The following MPZL1 variants were observed in gnomAD, a reference collection of about 807,000 sequenced individuals.
MPZL1 encodes the protein myelin protein zero like 1, also known as myelin protein zero-like protein 1.
MPZL1 carries 16 observed loss-of-function variants against 29.3 expected under a neutral mutation model. That is an observed-to-expected ratio of 0.55 (90% CI 0.37 to 0.83). The LOEUF (loss-of-function observed/expected upper bound fraction) is 0.83. Ranked by LOEUF, MPZL1 falls within the 40% of genes least tolerant of loss-of-function variation. MPZL1 has a pLI of 0.00. For synonymous variants in MPZL1, 143 were observed against 132.0 expected (o/e 1.08, Z -0.57); for missense variants, 279 against 332.9 (o/e 0.84, Z 1.26).
chr1:167,763,223 C>G (rs1007912198), intron 1 of MPZL1, among the ~76,000 whole-genome samples: 1 of 152,172 alleles, frequency 6.6e-6, no homozygotes, highest in African/African-American at 2.4e-5. Flanking sequence ...TTAAGAAAAT[C>G]CTTGAAGAAG....
intron 5 of MPZL1, among the ~76,000 whole-genome samples, chr1:167,779,042 A>T (rs548144602): frequency 3.3e-5 from 5 of 152,184 alleles, no homozygotes; most frequent in African/African-American, 1.2e-4. Context: ...AAATCACTTG[A>T]ACCTGGGAGG....
At chr1:167,757,766 A>T (rs1377338841) in intron 1 of MPZL1, among the ~76,000 whole-genome samples, 1 of 152,228 alleles carries the variant, frequency 6.6e-6, no homozygotes, top group Non-Finnish European at 1.5e-5. Flanking sequence ...GCAGGAGTTT[A>T]TAGTGGTAAC....
chr1:167,764,841 C>T (rs553376362), intron 1 of MPZL1, among the ~76,000 whole-genome samples: 14 of 152,018 alleles, frequency 9.2e-5, no homozygotes, highest in Middle Eastern at 3.4e-3. Context: ...CAAAAAGACA[C>T]GGAAGAAAGT....
At chr1:167,742,304 C>A (rs1257565160) in intron 1 of MPZL1, among the ~76,000 whole-genome samples, 1 of 151,940 alleles carries the variant, frequency 6.6e-6, no homozygotes, top group Non-Finnish European at 1.5e-5. Context: ...AAAAAAAAAT[C>A]TTTGATCTTA....
intron 1 of MPZL1, among the ~76,000 whole-genome samples, chr1:167,757,395 G>T (rs977620674): frequency 6.6e-6 from 1 of 152,198 alleles, no homozygotes; most frequent in Non-Finnish European, 1.5e-5. Context: ...TCCTGTGTCT[G>T]TCTTTTTAAA....
chr1:167,723,314 C>T (rs973981618), intron 1 of MPZL1, among the ~76,000 whole-genome samples: 1 of 152,152 alleles, frequency 6.6e-6, no homozygotes, highest in Non-Finnish European at 1.5e-5. Context: ...TTAATATAAT[C>T]CTTGGATCAG....
At chr1:167,776,026 A>T (rs1383086919) in intron 4 of MPZL1, 38 bp from the exon 5 acceptor site, 9 of 1,353,284 alleles carry the variant, frequency 6.7e-6, no homozygotes, top group African/African-American at 4.4e-5. Flanking sequence ...TATTATTATT[A>T]TTTTTTACAT....
At chr1:167,766,371 G>C (rs1489174508) in intron 2 of MPZL1, among the ~76,000 whole-genome samples, 1 of 152,156 alleles carries the variant, frequency 6.6e-6, no homozygotes, top group Non-Finnish European at 1.5e-5. Flanking sequence ...TATTAAACAT[G>C]AACTGACTAT....
intron 1 of MPZL1, among the ~76,000 whole-genome samples, chr1:167,741,704 T>G (rs533252194): frequency 6.6e-6 from 1 of 152,188 alleles, no homozygotes; most frequent in African/African-American, 2.4e-5. Flanking sequence ...GCAAGAACTA[T>G]TTTACATCAG....
intron 2 of MPZL1, among the ~76,000 whole-genome samples, chr1:167,770,229 T>C (rs1661209053): frequency 6.6e-6 from 1 of 152,186 alleles, no homozygotes; most frequent in Non-Finnish European, 1.5e-5. Context: ...CTGAAAATGT[T>C]CTGTTTGAAT....
intron 1 of MPZL1, among the ~76,000 whole-genome samples, chr1:167,725,030 C>A (rs1207838017): frequency 1.3e-5 from 2 of 152,134 alleles, no homozygotes; most frequent in African/African-American, 2.4e-5. Flanking sequence ...TTGAAATGAG[C>A]ACATAGTATA....
At chr1:167,777,279 A>G (rs989464869) in intron 5 of MPZL1, among the ~76,000 whole-genome samples, 23 of 152,222 alleles carry the variant, frequency 1.5e-4, no homozygotes, top group African/African-American at 5.5e-4. Flanking sequence ...TTGAAGCACT[A>G]TGGAAGTTGC....
At chr1:167,725,412 G>A (rs1176542902) in intron 1 of MPZL1, among the ~76,000 whole-genome samples, 2 of 152,124 alleles carry the variant, frequency 1.3e-5, no homozygotes, top group East Asian at 1.9e-4. Context: ...AGCATCCCAA[G>A]TAGCTGGGAC....
Position 167,778,512 on chromosome 1 carries a change from A to G in MPZL1, c.708+2346A>G, listed in dbSNP as rs188091104. On this transcript the variant is annotated intron_variant, in intron 5 of 5. Coordinates refer to ENST00000359523, the MANE Select transcript of MPZL1 (RefSeq NM_003953.6). ...ATCTCAAATAAATAGATGGGTGGAAAGAAGGAAGGAAGGATGGATGGATGG... is the reference window on the plus strand; with the variant it reads ...ATCTCAAATAAATAGATGGGTGGAAGGAAGGAAGGAAGGATGGATGGATGG... Among the ~76,000 whole-genome samples, 13 of 145,716 alleles carry G rather than the reference A, an allele frequency of 8.9e-5. 1 individual carries two copies. The East Asian group carries it at 2.0e-3, about 22-fold the overall frequency.
At chr1:167,737,676 C>T (rs1185405966) in intron 1 of MPZL1, among the ~76,000 whole-genome samples, 1 of 152,190 alleles carries the variant, frequency 6.6e-6, no homozygotes, top group Non-Finnish European at 1.5e-5. Flanking sequence ...TAAAACACCC[C>T]TTTCTTCACA....
At chr1:167,751,600 G>A (rs1660758363) in intron 1 of MPZL1, among the ~76,000 whole-genome samples, 1 of 151,582 alleles carries the variant, frequency 6.6e-6, no homozygotes, top group Non-Finnish European at 1.5e-5. Flanking sequence ...GAACCTAGGA[G>A]GCAGAGGTTG....
At chr1:167,729,062 A>G (rs1571131481) in intron 1 of MPZL1, among the ~76,000 whole-genome samples, 1 of 151,948 alleles carries the variant, frequency 6.6e-6, no homozygotes, top group South Asian at 2.1e-4. Context: ...GCTAAGGAGT[A>G]CAAGACCAGC....
At chr1:167,751,670 C>CAA (rs397970508) in intron 1 of MPZL1, among the ~76,000 whole-genome samples, 20 of 72,150 alleles carry the variant, frequency 2.8e-4, no homozygotes, top group African/African-American at 6.7e-4. Flanking sequence ...GACTCCATCT[C>CAA]AAAAAAAAAA....
In MPZL1 at chr1:167,772,394, G is replaced by A; in HGVS notation, c.378G>A (p.Gln126=). 1 of 1,614,024 alleles carries A rather than the reference G, an allele frequency of 6.2e-7. No homozygotes were observed. Among genetic ancestry groups the A allele is most frequent in the Non-Finnish European group, 8.5e-7 (1 of 1,179,924 alleles). The change falls in exon 3 of 6, where the codon CAG becomes CAA. Residue 126 remains glutamine, a synonymous_variant. Transcript: ENST00000359523. ...CATCAATCAACATAGAAAATATGCA[G>A]TTTATACACAATGGCACCTATATCT... ...KDASINIENM[Q]FIHNGTYICD...
Sources: allele counts gnomAD v4.1 joint callset (sites outside exome capture counted in the v4.1 genomes callset), GRCh38; gene constraint gnomAD v4.1.1; transcripts MANE v1.5; gene names NCBI Gene and HGNC (gene_info 2026-07-23, HGNC 2026-07-21).